The following VDAC1 variants were observed in gnomAD, a reference collection of about 807,000 sequenced individuals.
The protein encoded by VDAC1 is non-selective voltage-gated ion channel VDAC1.
A neutral mutation model predicts 34.7 loss-of-function variants in VDAC1; 10 were observed. That is an observed-to-expected ratio of 0.29 (90% CI 0.18 to 0.49). The LOEUF is 0.49. Among genes scored for constraint, VDAC1 ranks in the 20% least tolerant of loss-of-function variants. The pLI, the probability that VDAC1 is intolerant of heterozygous loss-of-function variation, is 0.99. For missense variants in VDAC1, 230 were observed against 347.9 expected (o/e 0.66, Z 2.69); for synonymous variants, 130 against 136.0 (o/e 0.96, Z 0.30).
chr5:134,062,615 GTTT>G, the VDAC1 span, among the ~76,000 whole-genome samples: 1 of 151,244 alleles, frequency 6.6e-6, no homozygotes, highest in Non-Finnish European at 1.5e-5. Context: ...GCTTTTGTTT[GTTT>G]TTTGTTTTGT....
At chr5:134,020,037 T>C in the VDAC1 span, among the ~76,000 whole-genome samples, 24,564 of 151,826 alleles carry the variant, frequency 0.16, 2,194 homozygotes, top group East Asian at 0.32. Flanking sequence ...CTTTCATACC[T>C]GCCCCCTGTG....
the VDAC1 span, among the ~76,000 whole-genome samples, chr5:134,036,822 G>A: frequency 6.6e-6 from 1 of 151,548 alleles, no homozygotes; most frequent in Non-Finnish European, 1.5e-5. Flanking sequence ...GCATGATGGC[G>A]AGCACCTGTA....
the VDAC1 span, among the ~76,000 whole-genome samples, chr5:134,050,158 A>T: frequency 6.6e-6 from 1 of 152,076 alleles, no homozygotes; most frequent in African/African-American, 2.4e-5. Context: ...CTGAGGCAGG[A>T]GAATTGCTTG....
At chr5:133,997,786 G>A (rs992977824) in intron 1 of VDAC1, among the ~76,000 whole-genome samples, 2 of 146,748 alleles carry the variant, frequency 1.4e-5, no homozygotes, top group African/African-American at 5.0e-5. Flanking sequence ...TACGATAGCC[G>A]TGCGCAGTGG....
the VDAC1 span, among the ~76,000 whole-genome samples, chr5:134,109,536 A>C: frequency 6.6e-6 from 1 of 152,112 alleles, no homozygotes; most frequent in South Asian, 2.1e-4. Context: ...TTGGGAGGCC[A>C]AGGTGGTTGA....
intron 1 of VDAC1, among the ~76,000 whole-genome samples, chr5:133,993,752 A>G (rs1387307239): frequency 1.3e-5 from 2 of 152,238 alleles, no homozygotes; most frequent in Non-Finnish European, 2.9e-5. Context: ...GGATTGCTGC[A>G]TATCACTAAG....
chr5:134,002,298 C>T (rs915665560), intron 1 of VDAC1, among the ~76,000 whole-genome samples: 1 of 152,316 alleles, frequency 6.6e-6, no homozygotes, highest in African/African-American at 2.4e-5. Context: ...ACGAATAACC[C>T]CTGCCTATAG....
chr5:134,080,400 G>T, the VDAC1 span, among the ~76,000 whole-genome samples: 1 of 151,174 alleles, frequency 6.6e-6, no homozygotes, highest in South Asian at 2.1e-4. Flanking sequence ...CTCCCTGTGG[G>T]ACCTGGGGCA....
the VDAC1 span, among the ~76,000 whole-genome samples, chr5:134,064,717 T>TTTC: frequency 1.4e-5 from 2 of 146,416 alleles, no homozygotes; most frequent in African/African-American, 5.4e-5. Context: ...TGTAACTTCT[T>TTTC]TTTTTTTTTT....
chr5:134,092,471 C>T, the VDAC1 span, among the ~76,000 whole-genome samples: 19 of 152,048 alleles, frequency 1.2e-4, no homozygotes, highest in Admixed American at 6.6e-4. Flanking sequence ...CTCGCTTTGT[C>T]CCTCATGTGC....
chr5:134,103,750 C>T, the VDAC1 span, among the ~76,000 whole-genome samples: 1 of 152,314 alleles, frequency 6.6e-6, no homozygotes, highest in Non-Finnish European at 1.5e-5. Context: ...TTACCAGCGC[C>T]GCCACACAAG....
chr5:134,016,105 G>A, the VDAC1 span, among the ~76,000 whole-genome samples: 1 of 152,126 alleles, frequency 6.6e-6, no homozygotes, highest in Admixed American at 6.6e-5. Context: ...TTTTAAAGGA[G>A]GCCTCCAACT....
At chr5:133,983,782 A>G (rs547498729) in intron 5 of VDAC1, among the ~76,000 whole-genome samples, 1 of 152,286 alleles carries the variant, frequency 6.6e-6, no homozygotes, top group East Asian at 1.9e-4. Context: ...GGTGGTGGTT[A>G]GACCATGGGG....
the VDAC1 span, among the ~76,000 whole-genome samples, chr5:134,010,969 C>CTTTT: frequency 6.9e-6 from 1 of 144,214 alleles, no homozygotes; most frequent in Non-Finnish European, 1.5e-5. Context: ...CCCCCATTCC[C>CTTTT]TTTTTTTTTT....
the VDAC1 span, among the ~76,000 whole-genome samples, chr5:134,092,469 G>C: frequency 6.6e-6 from 1 of 152,236 alleles, no homozygotes; most frequent in South Asian, 2.1e-4. Context: ...TCCTCGCTTT[G>C]TCCCTCATGT....
At chr5:134,017,008 A>G in the VDAC1 span, among the ~76,000 whole-genome samples, 1 of 152,324 alleles carries the variant, frequency 6.6e-6, no homozygotes, top group African/African-American at 2.4e-5. Flanking sequence ...TCTCCTGGGC[A>G]TGTTCTTCCC....
At chr5:134,105,515 C>T in the VDAC1 span, among the ~76,000 whole-genome samples, 1 of 152,222 alleles carries the variant, frequency 6.6e-6, no homozygotes, top group African/African-American at 2.4e-5. Context: ...AAGGTGTTCT[C>T]GCTACATGAG....
chr5:134,007,019 G>GCA (rs1753767578), upstream of VDAC1, among the ~76,000 whole-genome samples: 2 of 151,596 alleles, frequency 1.3e-5, no homozygotes, highest in Non-Finnish European at 2.9e-5. Context: ...TGAGGCGGCT[G>GCA]GATCACCTGA....
chr5:134,100,398 A>T, the VDAC1 span, among the ~76,000 whole-genome samples: 1 of 152,308 alleles, frequency 6.6e-6, no homozygotes, highest in East Asian at 1.9e-4. Context: ...AAGAATGGAA[A>T]ATTCCCCCAG....
Sources: allele counts gnomAD v4.1 joint callset (sites outside exome capture counted in the v4.1 genomes callset), GRCh38; gene constraint gnomAD v4.1.1; transcripts MANE v1.5; gene names NCBI Gene and HGNC (gene_info 2026-07-23, HGNC 2026-07-21).